Variants in VPS50 observed in about 807,000 individuals in gnomAD.
VPS50 encodes the protein syndetin.
In VPS50, 70 loss-of-function variants were observed where a neutral mutation model predicts 139.7. That is an observed-to-expected ratio of 0.50 (90% CI 0.41 to 0.61). The LOEUF (loss-of-function observed/expected upper bound fraction) is 0.61, where lower values mean the gene tolerates loss of function less well. Among genes scored for constraint, VPS50 ranks in the 20% least tolerant of loss-of-function variants. The pLI is 0.00. For synonymous variants in VPS50, 365 were observed against 376.7 expected, an observed-to-expected ratio of 0.97 and a Z score of 0.36; for missense variants, 921 against 1,133.7, an observed-to-expected ratio of 0.81 and a Z score of 2.69.
chr7:93,302,592 A>T (rs1029348824), intron 16 of VPS50, among the ~76,000 whole-genome samples: 1 of 151,888 alleles, frequency 6.6e-6, no homozygotes, highest in African/African-American at 2.4e-5. Flanking sequence ...TATTTAACTT[A>T]TAATAATTAT....
intron 3 of VPS50, 51 bp downstream of exon 3, chr7:93,252,826 T>C: frequency 6.9e-7 from 1 of 1,447,582 alleles, no homozygotes; most frequent in Non-Finnish European, 9.4e-7. Context: ...GTTCAGTGAT[T>C]GGATTTATGA....
At chr7:93,317,244 G>C (rs1332334474) in intron 20 of VPS50, among the ~76,000 whole-genome samples, 2 of 152,084 alleles carry the variant, frequency 1.3e-5, no homozygotes, top group Non-Finnish European at 2.9e-5. Flanking sequence ...ATCACCTAGA[G>C]GGCTTGTTAA....
chr7:93,351,850 G>GGA (rs1798569695), intron 25 of VPS50, among the ~76,000 whole-genome samples: 1 of 152,194 alleles, frequency 6.6e-6, no homozygotes, highest in Non-Finnish European at 1.5e-5. Context: ...ATGCTGTGAG[G>GGA]AGGCTGCTTG....
At chr7:93,288,850 G>A (rs1401337796) in intron 12 of VPS50, among the ~76,000 whole-genome samples, 1 of 152,096 alleles carries the variant, frequency 6.6e-6, no homozygotes, top group Non-Finnish European at 1.5e-5. Flanking sequence ...AGTGAGAAGG[G>A]AGTCGGTCCA....
rs1487648813 is a variant in VPS50 at position 93,262,448 on chromosome 7, G to T, written c.659+2816G>T. Among the ~76,000 whole-genome samples, 3 of 152,160 alleles carry T rather than the reference G, an allele frequency of 2.0e-5. No individual in the cohort carries two copies. In the East Asian group the frequency reaches 5.8e-4, roughly 29 times the overall value. On this transcript the variant is annotated intron_variant, in intron 9 of 27. Transcript: ENST00000305866. ...CGAATGAGGTTAAAAGGTTGAAATG[G>T]AAAAGATTTAAATTAATAGTTATTT...
chr7:93,352,800 CAAT>C lies in VPS50; in HGVS notation c.2464-837_2464-835del, dbSNP rs143270803. On this transcript the variant is annotated intron_variant, in intron 25 of 27. Transcript: ENST00000305866. ...TTTAGTATGATCATGTCATAAAAGA[CAAT>C]AAAAATATTCAGTTTTTCTGTAGGT... is the stretch of plus-strand genomic sequence containing the variant. 7.2e-3 allele frequency among the ~76,000 whole-genome samples: 1,099 copies of C among 152,086 alleles called. 11 individuals are homozygous for C. Among genetic ancestry groups the C allele is most frequent in the African/African-American group, 0.025 (1,036 of 41,506 alleles).
chr7:93,267,928 C>T (rs1167818158), intron 9 of VPS50, among the ~76,000 whole-genome samples: 5 of 152,038 alleles, frequency 3.3e-5, no homozygotes, highest in African/African-American at 1.2e-4. Context: ...TAATTTGGGG[C>T]TTTTCTCGTT....
intron 11 of VPS50, among the ~76,000 whole-genome samples, chr7:93,275,230 A>C (rs1796119133): frequency 6.6e-6 from 1 of 152,208 alleles, no homozygotes; most frequent in Admixed American, 6.5e-5. Flanking sequence ...TATTACATAA[A>C]CTTAGTTGAT....
chr7:93,243,095 T>A (rs1000495004), intron 2 of VPS50, among the ~76,000 whole-genome samples: 1 of 151,968 alleles, frequency 6.6e-6, no homozygotes, highest in East Asian at 1.9e-4. Flanking sequence ...TCTGATCCTG[T>A]GCCCGATTTT....
chr7:93,311,230 C>G lies in VPS50; in HGVS notation c.1813C>G (p.Pro605Ala). 2 of 1,412,184 alleles carry G rather than the reference C, an allele frequency of 1.4e-6. No homozygotes were observed. Among genetic ancestry groups the G allele is most frequent in the African/African-American group, 1.4e-5 (1 of 71,160 alleles). The allele number at this position is 1,412,184 out of a possible 1,614,324, so 87.5% of individuals were successfully genotyped here. The change falls in exon 20 of 28, where the codon CCT (proline) becomes GCT (alanine). Residue 605 changes from proline (P) to alanine (A), a missense_variant. Physicochemically the swap from Pro to Ala is conservative, Grantham distance 27. Coordinates refer to ENST00000305866, the MANE Select transcript of VPS50 (RefSeq NM_017667.4). ...SDYSLNKVNA[P>A]ILTNTTLNVI... ...TTACAGTCTAAATAAAGTGAATGCACCTATCTTAACAAATACAACATTGAA... is the reference window on the plus strand; with the variant it reads ...TTACAGTCTAAATAAAGTGAATGCAGCTATCTTAACAAATACAACATTGAA...
At chr7:93,288,663 A>G (rs114588410) in intron 12 of VPS50, among the ~76,000 whole-genome samples, 4 of 152,272 alleles carry the variant, frequency 2.6e-5, no homozygotes, top group African/African-American at 9.6e-5. Context: ...ATAAAGCCAG[A>G]TACTAAAGTG....
In VPS50 at chr7:93,323,721, C is replaced by A. The variant is rs548286359; in HGVS notation, c.1966C>A (p.Arg656=). Reference sequence around the variant, plus strand: ...GTATGCAATATATACCTTTTTTGGTCGGAATGATTCAGTAAGTCCACCTTT... The same window carrying A: ...GTATGCAATATATACCTTTTTTGGTAGGAATGATTCAGTAAGTCCACCTTT... The part of the protein sequence containing the change: ...YLYAIYTFFG[R]NDSLESTGLG... Residue 656 remains arginine (R), a synonymous_variant, in exon 21 of 28, where the codon CGG becomes AGG. Coordinates refer to ENST00000305866, the MANE Select transcript of VPS50 (RefSeq NM_017667.4). 2 of 1,411,406 alleles carry A rather than the reference C, an allele frequency of 1.4e-6. No homozygotes were observed. Among genetic ancestry groups the A allele is most frequent in the Non-Finnish European group, 1.9e-6 (2 of 1,057,898 alleles). 87.4% of individuals were successfully genotyped at this position (1,411,406 alleles called of 1,614,324 possible).
intron 12 of VPS50, among the ~76,000 whole-genome samples, chr7:93,289,592 A>G (rs948229138): frequency 6.6e-6 from 1 of 152,106 alleles, no homozygotes; most frequent in Non-Finnish European, 1.5e-5. Flanking sequence ...GTCTTTTTCT[A>G]TATCAATGTT....
At chr7:93,311,489 G>A (rs1797266144) in intron 20 of VPS50, among the ~76,000 whole-genome samples, 2 of 151,972 alleles carry the variant, frequency 1.3e-5, no homozygotes, top group Admixed American at 6.6e-5. Context: ...TGTTTATTAA[G>A]TCTTTGTATC....
At chr7:93,255,230 G>C (rs1165289517) in intron 4 of VPS50, among the ~76,000 whole-genome samples, 1 of 152,206 alleles carries the variant, frequency 6.6e-6, no homozygotes, top group African/African-American at 2.4e-5. Flanking sequence ...GAATCCCTGA[G>C]CTTGTTTTCC....
intron 25 of VPS50, among the ~76,000 whole-genome samples, chr7:93,352,191 T>C (rs1459465451): frequency 6.6e-6 from 1 of 152,172 alleles, no homozygotes; most frequent in Non-Finnish European, 1.5e-5. Flanking sequence ...AAATAAAATA[T>C]TGATGAAAAA....
intron 2 of VPS50, among the ~76,000 whole-genome samples, chr7:93,248,256 T>C (rs1345540947): frequency 6.6e-6 from 1 of 152,052 alleles, no homozygotes; most frequent in East Asian, 1.9e-4. Context: ...TTGGTATTCA[T>C]TTCCCCCAAT....
chr7:93,321,488 T>G (rs923481788), intron 20 of VPS50, among the ~76,000 whole-genome samples: 1 of 152,220 alleles, frequency 6.6e-6, no homozygotes, highest in Non-Finnish European at 1.5e-5. Flanking sequence ...TATTGATTAT[T>G]GTCTTCCATG....
intron 14 of VPS50, 29 bp from the exon 15 acceptor site, chr7:93,296,713 G>T: frequency 6.3e-7 from 1 of 1,594,150 alleles, no homozygotes; most frequent in African/African-American, 1.3e-5. Context: ...TTTTGGGTTT[G>T]CTTGATTTTC....
Sources: allele counts gnomAD v4.1 joint callset (sites outside exome capture counted in the v4.1 genomes callset), GRCh38; gene constraint gnomAD v4.1.1; transcripts MANE v1.5; gene names NCBI Gene and HGNC (gene_info 2026-07-23, HGNC 2026-07-21).